Variants in CFAP251 observed in about 807,000 individuals in gnomAD.
CFAP251 encodes the protein cilia- and flagella-associated protein 251.
In CFAP251, 93 loss-of-function variants were observed where a neutral mutation model predicts 126.7. The observed-to-expected ratio is 0.73, with a 90% CI of 0.62 to 0.87. The LOEUF (loss-of-function observed/expected upper bound fraction) is 0.87, where lower values mean the gene tolerates loss of function less well. Among genes scored for constraint, CFAP251 ranks in the 40% least tolerant of loss-of-function variants. The pLI, the probability that CFAP251 is intolerant of heterozygous loss-of-function variation, is 0.00. For missense variants in CFAP251, 1,287 were observed against 1,389.2 expected (o/e 0.93, Z 1.17); for synonymous variants, 503 against 506.9 (o/e 0.99, Z 0.10).
At position 121,975,538 on chromosome 12, in the gene CFAP251, A is replaced by C; in HGVS notation, c.2863-4A>C. 1 of 1,608,616 alleles carries C rather than the reference A, an allele frequency of 6.2e-7. No individual in the cohort carries two copies. The highest frequency in any genetic ancestry group is 8.5e-7 in the Non-Finnish European group (1 of 1,178,680). On this transcript the variant is annotated splice_polypyrimidine_tract_variant and splice_region_variant and intron_variant, in intron 18 of 21. Transcript: ENST00000288912. Reference sequence around the variant, plus strand: ...TGTTGTGTTTCCGTTGTATTCCTACATAGGAGCTAGAAGACTACTTCTACT... The same window carrying C: ...TGTTGTGTTTCCGTTGTATTCCTACCTAGGAGCTAGAAGACTACTTCTACT...
At chr12:122,001,055 CTTT>C (rs1177422104) in intron 20 of CFAP251, among the ~76,000 whole-genome samples, 3 of 117,398 alleles carry the variant, frequency 2.6e-5, no homozygotes, top group Non-Finnish European at 5.3e-5. Flanking sequence ...GTTTTTGTTG[CTTT>C]TTTTTTTTTT....
chr12:121,945,008 C>T (rs933593762), intron 7 of CFAP251, among the ~76,000 whole-genome samples: 3 of 152,172 alleles, frequency 2.0e-5, no homozygotes, highest in Non-Finnish European at 4.4e-5. Context: ...GTCTCCAACT[C>T]CTAGGCTCAA....
intron 15 of CFAP251, among the ~76,000 whole-genome samples, chr12:121,966,193 C>CCCCTCCCCTCCCCTCTG (rs1882123726): frequency 1.4e-4 from 1 of 7,360 alleles, no homozygotes; most frequent in Non-Finnish European, 4.6e-4. Flanking sequence ...CCTCCCCTCT[C>CCCCTCCCCTCCCCTCTG]CTTCCCTCCC....
chr12:122,003,889 C>A lies in CFAP251; in HGVS notation c.*125C>A. On this transcript the variant is annotated 3_prime_UTR_variant, in exon 22 of 22. Coordinates refer to ENST00000288912, the MANE Select transcript of CFAP251 (RefSeq NM_144668.6). ...CCCTCTCATCTTTAGAACATTTAGA[C>A]ATTAAAGCAAGTTTCTGGTGAGCAA... The A allele has an allele frequency of 3.1e-6, 2 of 655,152 alleles. No homozygotes were observed. Among genetic ancestry groups the A allele is most frequent in the Non-Finnish European group, 4.8e-6 (2 of 418,692 alleles). The allele number at this position is 655,152 out of a possible 1,614,324, so 40.6% of individuals were successfully genotyped here. A position where few individuals can be genotyped will look rare whatever the true frequency, so the allele number is the denominator to read the frequency against.
chr12:122,003,339 A>G, intron 21 of CFAP251, among the ~76,000 whole-genome samples: 1 of 152,152 alleles, frequency 6.6e-6, no homozygotes, highest in East Asian at 1.9e-4. Flanking sequence ...TGGGAGTCTG[A>G]GGTGGGAGGA....
At chr12:121,941,598 TGCTGGG>T (rs1209727562) in intron 5 of CFAP251, among the ~76,000 whole-genome samples, 17 of 152,286 alleles carry the variant, frequency 1.1e-4, no homozygotes, top group Admixed American at 1.1e-3. Context: ...CCTCCCAAAG[TGCTGGG>T]ATTACCAGTA....
At chr12:121,993,946 G>A (rs1179193100) in intron 19 of CFAP251, among the ~76,000 whole-genome samples, 1,296 of 73,924 alleles carry the variant, frequency 0.018, no homozygotes, top group Non-Finnish European at 0.023. Context: ...CCCTCTGCCC[G>A]GCCAGCACCC....
In CFAP251 at chr12:121,959,057, T is replaced by C. The variant is rs370557457; in HGVS notation, c.2096T>C (p.Ile699Thr). The C allele has an allele frequency of 1.2e-6, 2 of 1,609,388 alleles. No individual in the cohort carries two copies. Among genetic ancestry groups the C allele is most frequent in the Non-Finnish European group, 1.7e-6 (2 of 1,178,862 alleles). Reference sequence around the variant, plus strand: ...TATTCCAGAACCAGTGTGACTCATATAAGCTTTTCCCATGACTCCCAGTAT... The same window carrying C: ...TATTCCAGAACCAGTGTGACTCATACAAGCTTTTCCCATGACTCCCAGTAT... ...FKYSRTSVTH[I>T]SFSHDSQYMA... Residue 699 changes from isoleucine (I) to threonine (T), a missense_variant, in exon 13 of 22, where the codon ATA becomes ACA. By Grantham distance (89) the Ile-to-Thr change is moderately conservative. Transcript: ENST00000288912.
intron 19 of CFAP251, among the ~76,000 whole-genome samples, chr12:121,982,551 T>C (rs1882647680): frequency 6.6e-6 from 1 of 152,128 alleles, no homozygotes; most frequent in African/African-American, 2.4e-5. Context: ...GCTAATTTTG[T>C]ATTTTTAGTA....
rs79499306 is a variant in CFAP251 at position 121,992,536 on chromosome 12, C to T, written c.3007-7180C>T. 373 of 954,252 alleles carry T rather than the reference C, an allele frequency of 3.9e-4. 8 individuals carry two copies. In the East Asian group the frequency reaches 0.035, roughly 90 times the overall value. 59.1% of individuals were successfully genotyped at this position (954,252 alleles called of 1,614,324 possible). A position where few individuals can be genotyped will look rare whatever the true frequency, so the allele number is the denominator to read the frequency against. Reference sequence around the variant, plus strand: ...CTGAACTGAGTTAAATCATATATTACATTGGTAATTTATATATATTTATAT... The same window carrying T: ...CTGAACTGAGTTAAATCATATATTATATTGGTAATTTATATATATTTATAT... On this transcript the variant is annotated intron_variant, in intron 19 of 21. Transcript: ENST00000288912.
intron 10 of CFAP251, among the ~76,000 whole-genome samples, chr12:121,956,581 C>T (rs182465258): frequency 4.6e-5 from 7 of 152,204 alleles, no homozygotes; most frequent in Admixed American, 2.6e-4. Context: ...CTGCAAGCTC[C>T]GCCTTCCATG....
At chr12:121,928,672 A>ATATACACG in intron 3 of CFAP251, among the ~76,000 whole-genome samples, 1 of 19,312 alleles carries the variant, frequency 5.2e-5, no homozygotes, top group East Asian at 8.5e-4. Context: ...ATATATACGT[A>ATATACACG]TATATATATA....
intron 3 of CFAP251, among the ~76,000 whole-genome samples, chr12:121,929,228 G>A (rs1323642672): frequency 6.6e-6 from 1 of 151,532 alleles, no homozygotes; most frequent in African/African-American, 2.4e-5. Context: ...GGCTGAGGCA[G>A]GAGACTCTCT....
intron 19 of CFAP251, among the ~76,000 whole-genome samples, chr12:121,985,353 G>A (rs1199724579): frequency 6.6e-6 from 1 of 152,050 alleles, no homozygotes; most frequent in African/African-American, 2.4e-5. Context: ...GGCCAACATG[G>A]CCAAACCCCG....
At chr12:121,997,935 G>A (rs1883058445) in intron 19 of CFAP251, 1 of 151,838 alleles carries the variant, frequency 6.6e-6, no homozygotes, top group Non-Finnish European at 1.5e-5. Flanking sequence ...ATTTTTAGTG[G>A]AGACAGATTT....
At chr12:121,997,856 A>T (rs1452826924) in intron 19 of CFAP251, 1 of 151,434 alleles carries the variant, frequency 6.6e-6, no homozygotes, top group Non-Finnish European at 1.5e-5. Flanking sequence ...AGTTCAAGCG[A>T]TTCTCCTGCC....
chr12:121,940,593 A>G (rs892227535), intron 5 of CFAP251, among the ~76,000 whole-genome samples: 2 of 152,194 alleles, frequency 1.3e-5, no homozygotes, highest in Admixed American at 6.6e-5. Context: ...AAGTCTTGCT[A>G]CCACCTACTT....
At chr12:121,928,951 C>T (rs1310133354) in intron 3 of CFAP251, among the ~76,000 whole-genome samples, 1 of 151,898 alleles carries the variant, frequency 6.6e-6, no homozygotes, top group African/African-American at 2.4e-5. Context: ...CTCACCTCAG[C>T]CTCCCAAAGT....
intron 15 of CFAP251, among the ~76,000 whole-genome samples, chr12:121,965,917 T>C (rs1192094244): frequency 6.7e-6 from 1 of 149,192 alleles, no homozygotes; most frequent in Non-Finnish European, 1.5e-5. Context: ...CCTCCCAGGC[T>C]CAAACAATGC....
Sources: gnomAD v4.1 joint callset for allele counts (sites outside exome capture counted in the v4.1 genomes callset) on GRCh38, gnomAD v4.1.1 for gene constraint, MANE v1.5 for transcripts, NCBI Gene and HGNC (gene_info 2026-07-23, HGNC 2026-07-21) for gene names.